Variants in PEAK1 observed in about 807,000 individuals in gnomAD.
PEAK1 encodes inactive tyrosine-protein kinase PEAK1.
Under a neutral mutation model 124.7 loss-of-function variants are expected in PEAK1, and 54 were observed. The observed-to-expected ratio is 0.43, with a 90% CI of 0.35 to 0.54. The LOEUF is 0.54. Ranked by LOEUF, PEAK1 falls within the 20% of genes least tolerant of loss-of-function variation. The pLI, the probability that PEAK1 is intolerant of heterozygous loss-of-function variation, is 0.01. For synonymous variants in PEAK1, 719 were observed against 760.0 expected (o/e 0.95, Z 0.89); for missense variants, 2,046 against 2,134.5 (o/e 0.96, Z 0.82).
intron 6 of PEAK1, among the ~76,000 whole-genome samples, chr15:77,202,231 G>A (rs1349621852): frequency 6.6e-6 from 1 of 152,066 alleles, no homozygotes; most frequent in African/African-American, 2.4e-5. Flanking sequence ...TTGCAATTTA[G>A]CACTAGATTA....
intron 2 of PEAK1, among the ~76,000 whole-genome samples, chr15:77,307,368 G>C (rs980638591): frequency 6.6e-6 from 1 of 152,052 alleles, no homozygotes; most frequent in Non-Finnish European, 1.5e-5. Context: ...AAAGAACATA[G>C]AGTCCTTTTG....
chr15:77,192,579 G>T (rs1371115507), intron 6 of PEAK1, among the ~76,000 whole-genome samples: 3 of 152,174 alleles, frequency 2.0e-5, no homozygotes, highest in Non-Finnish European at 4.4e-5. Flanking sequence ...TGTATCACTG[G>T]ACTACTAAAG....
At chr15:77,278,478 A>C (rs2062459882) in intron 5 of PEAK1, 1 of 491,316 alleles carries the variant, frequency 2.0e-6, no homozygotes, top group Non-Finnish European at 4.1e-6. Context: ...CCCAAGAGAA[A>C]GGCTGAAGGG....
intron 6 of PEAK1, among the ~76,000 whole-genome samples, chr15:77,229,685 T>C (rs1406839435): frequency 6.6e-6 from 1 of 151,994 alleles, no homozygotes; most frequent in African/African-American, 2.4e-5. Context: ...TTCGCTCTTT[T>C]TGCCCAGGCC....
chr15:77,199,393 T>A (rs1017394599), intron 6 of PEAK1, among the ~76,000 whole-genome samples: 2 of 152,162 alleles, frequency 1.3e-5, no homozygotes. Context: ...TCGGGGGCCA[T>A]AGGACCTTTA....
At position 77,196,147 on chromosome 15, in the gene PEAK1, A is replaced by T. The variant is rs544713591; in HGVS notation, c.-114-14107T>A. Among the ~76,000 whole-genome samples, 145 of 152,342 alleles carry T rather than the reference A, an allele frequency of 9.5e-4. 1 individual carries two copies. The highest frequency in any genetic ancestry group is 1.3e-3 in the Non-Finnish European group (91 of 68,034). On this transcript the variant is annotated intron_variant, in intron 6 of 9. Transcript: ENST00000682557. ...TGGACAATGGGTGAAGGACAGATCA[A>T]ATGAGGCTCTTGATCCAACTCCCTT...
chr15:77,346,359 TC>T lies in PEAK1; in HGVS notation c.-603+18803del, dbSNP rs751010264. ...CTCATTTTGTAAACCTGGAATTTGT[TC>T]CTGTTCTATAATCCCAGACAGAAAA... is the stretch of plus-strand genomic sequence containing the variant. On this transcript the variant is annotated intron_variant, in intron 2 of 9. Coordinates refer to ENST00000682557, the MANE Select transcript of PEAK1 (RefSeq NM_001385026.1). 1.1e-4 allele frequency: 113 copies of T among 983,970 alleles called. No homozygotes were observed. In the Middle Eastern group the frequency reaches 2.1e-3, roughly 18 times the overall value. The allele number at this position is 983,970 out of a possible 1,614,324, so 61.0% of individuals were successfully genotyped here. A position where few individuals can be genotyped will look rare whatever the true frequency, so the allele number is the denominator to read the frequency against.
At chr15:77,152,263 G>T (rs2054706254) in intron 8 of PEAK1, among the ~76,000 whole-genome samples, 1 of 152,114 alleles carries the variant, frequency 6.6e-6, no homozygotes, top group Admixed American at 6.5e-5. Context: ...GTGAATGGGA[G>T]TTCACGCATG....
chr15:77,118,899 A>T (rs2051637076), intron 9 of PEAK1, among the ~76,000 whole-genome samples: 1 of 152,194 alleles, frequency 6.6e-6, no homozygotes, highest in African/African-American at 2.4e-5. Flanking sequence ...AATGCTGTGA[A>T]TTTGGCAGAT....
At chr15:77,101,684 G>A (rs778131041) in exon 7 of PEAK1, 2 of 152,198 alleles carry the variant, frequency 1.3e-5, no homozygotes, top group African/African-American at 2.4e-5. Flanking sequence ...ATAGCTGAAG[G>A]ACCCTGGGGA....
intron 6 of PEAK1, among the ~76,000 whole-genome samples, chr15:77,208,904 A>G (rs953977021): frequency 6.6e-6 from 1 of 152,194 alleles, no homozygotes; most frequent in Non-Finnish European, 1.5e-5. Context: ...CACCTCCATT[A>G]CTGCTTTGTA....
intron 2 of PEAK1, chr15:77,334,154 G>A: frequency 3.1e-6 from 3 of 952,722 alleles, no homozygotes; most frequent in Non-Finnish European, 3.7e-6. Flanking sequence ...CTCCATTGTA[G>A]TTTCCAACTA....
intron 7 of PEAK1, among the ~76,000 whole-genome samples, chr15:77,162,859 T>A (rs1185524649): frequency 6.6e-6 from 1 of 152,206 alleles, no homozygotes; most frequent in East Asian, 1.9e-4. Flanking sequence ...CTGTGAGAAT[T>A]TCTTATATAC....
chr15:77,107,759 G>C (rs559721038), downstream of PEAK1: 2 of 152,414 alleles, frequency 1.3e-5, no homozygotes, highest in East Asian at 3.9e-4. Context: ...CATATTACCT[G>C]AATAGCTCTG....
intron 2 of PEAK1, chr15:77,352,641 T>C: frequency 3.1e-6 from 3 of 955,092 alleles, no homozygotes; most frequent in Non-Finnish European, 3.7e-6. Context: ...TGAATATTTC[T>C]GCCTAGAAAC....
intron 6 of PEAK1, among the ~76,000 whole-genome samples, chr15:77,237,225 C>T (rs921106669): frequency 6.6e-6 from 1 of 151,962 alleles, no homozygotes; most frequent in African/African-American, 2.4e-5. Context: ...AATATTTCTA[C>T]AAGATAAAGT....
chr15:77,187,871 T>TA (rs1479069941), intron 6 of PEAK1, among the ~76,000 whole-genome samples: 1 of 152,150 alleles, frequency 6.6e-6, no homozygotes, highest in Non-Finnish European at 1.5e-5. Context: ...AGGCTTTTGT[T>TA]AAAGAACATG....
At chr15:77,333,726 TCATA>T in intron 2 of PEAK1, 1 of 966,900 alleles carries the variant, frequency 1.0e-6, no homozygotes, top group South Asian at 4.8e-5. Flanking sequence ...GGCTTCACTA[TCATA>T]CATTAATCTG....
intron 5 of PEAK1, among the ~76,000 whole-genome samples, chr15:77,256,639 A>C (rs12441798): frequency 0.014 from 2,072 of 152,220 alleles, 159 homozygotes; most frequent in Admixed American, 0.12. Context: ...AACTAGATGA[A>C]ATTCAAATGT....
Sources: allele counts gnomAD v4.1 joint callset (sites outside exome capture counted in the v4.1 genomes callset), GRCh38; gene constraint gnomAD v4.1.1; transcripts MANE v1.5; gene names NCBI Gene and HGNC (gene_info 2026-07-23, HGNC 2026-07-21).